SATB1: variants seen among roughly 807,000 people sequenced by gnomAD.
SATB1 encodes SATB homeobox 1, also known as DNA-binding protein SATB1.
In SATB1, 11 loss-of-function variants were observed where a neutral mutation model predicts 86.9. That is an observed-to-expected ratio of 0.13 (90% CI 0.08 to 0.21). The LOEUF (loss-of-function observed/expected upper bound fraction) is 0.21, where lower values mean the gene tolerates loss of function less well. Among genes scored for constraint, SATB1 ranks in the 10% least tolerant of loss-of-function variants. SATB1 has a pLI of 1.00. For missense variants in SATB1, 551 were observed against 937.6 expected, an observed-to-expected ratio of 0.59 and a Z score of 5.39; for synonymous variants, 357 against 357.2, an observed-to-expected ratio of 1.00 and a Z score of 0.01.
At chr3:18,422,880 G>A (rs575856679) in intron 1 of SATB1, among the ~76,000 whole-genome samples, 1 of 152,274 alleles carries the variant, frequency 6.6e-6, no homozygotes, top group African/African-American at 2.4e-5. Context: ...TACAGCAAAT[G>A]AAAGTGATAC....
chr3:18,365,524 T>C (rs1265151106), intron 9 of SATB1, among the ~76,000 whole-genome samples: 1 of 152,170 alleles, frequency 6.6e-6, no homozygotes, highest in Non-Finnish European at 1.5e-5. Context: ...GTCCCTGCTC[T>C]CTGATCACTG....
chr3:18,374,973 C>T (rs1695670665), intron 9 of SATB1, among the ~76,000 whole-genome samples: 1 of 152,112 alleles, frequency 6.6e-6, no homozygotes, highest in Non-Finnish European at 1.5e-5. Flanking sequence ...ATTATACCAC[C>T]AATGACACAA....
rs111398003 is a variant in SATB1, at chr3:18,378,059, C to T, written c.1575+111G>A. 4,825 of 895,466 alleles carry T rather than the reference C, an allele frequency of 5.4e-3. 100 individuals are homozygous for T. The highest frequency in any genetic ancestry group is 0.044 in the South Asian group (2,092 of 47,614). The allele number at this position is 895,466 out of a possible 1,614,324, so 55.5% of individuals were successfully genotyped here. Reference sequence around the variant, plus strand: ...TTAGAGCTCTGGAAATAATCCTAGACACAGAGGCCTCTCCGTGATGCAAGT... The same window carrying T: ...TTAGAGCTCTGGAAATAATCCTAGATACAGAGGCCTCTCCGTGATGCAAGT... On this transcript the variant is annotated intron_variant, in intron 9 of 10. Coordinates refer to ENST00000338745, the MANE Select transcript of SATB1 (RefSeq NM_002971.6).
At chr3:18,356,554 T>A (rs1694651879) in intron 9 of SATB1, among the ~76,000 whole-genome samples, 1 of 151,886 alleles carries the variant, frequency 6.6e-6, no homozygotes, top group Admixed American at 6.6e-5. Flanking sequence ...ATGCTCATTT[T>A]AAAGGAAAAA....
chr3:18,349,725 AGTT>A lies in SATB1; in HGVS notation c.1780-46_1780-44del. 1 of 1,545,980 alleles carries A rather than the reference AGTT, an allele frequency of 6.5e-7. No individual in the cohort carries two copies. The highest frequency in any genetic ancestry group is 8.7e-7 in the Non-Finnish European group (1 of 1,147,336). On this transcript the variant is annotated intron_variant, in intron 10 of 10. Coordinates refer to ENST00000338745, the MANE Select transcript of SATB1 (RefSeq NM_002971.6). This position sits in a 1 kb window ranked among gnomAD's most constrained non-coding sequence, Gnocchi z 5.5. ...GACAATCAGAGCTCTGCTATCGTGG[AGTT>A]CCACACAAAGCCGTCTCCAATCAGG... is the stretch of plus-strand genomic sequence containing the variant.
intron 2 of SATB1, chr3:18,417,809 C>T (rs1274173523): frequency 1.7e-6 from 1 of 585,732 alleles, no homozygotes; most frequent in Non-Finnish European, 3.0e-6. Flanking sequence ...ATCTTTGTTA[C>T]AGTAAATAAG....
rs984009857 is a variant in SATB1, at chr3:18,351,938, A to C, written c.1779+54T>G. The C allele has an allele frequency of 2.6e-6, 4 of 1,552,468 alleles. No individual in the cohort carries two copies. In the African/African-American group the frequency reaches 4.1e-5, roughly 16 times the overall value. On this transcript the variant is annotated intron_variant, in intron 10 of 10. Transcript: ENST00000338745. ...AAGAGAAACGCTAATTTCCCTGCTAAGTTTAAAGCTTTATTTACTTATTGC... is the reference window on the plus strand; with the variant it reads ...AAGAGAAACGCTAATTTCCCTGCTACGTTTAAAGCTTTATTTACTTATTGC...
At chr3:18,441,210 G>A (rs569789744), upstream of SATB1, among the ~76,000 whole-genome samples, 16 of 152,134 alleles carry the variant, frequency 1.1e-4, no homozygotes, top group South Asian at 2.9e-3. Context: ...CATGTAAAAC[G>A]TGTTTTTTCT....
intron 5 of SATB1, among the ~76,000 whole-genome samples, chr3:18,398,364 A>G (rs1206852366): frequency 1.3e-5 from 2 of 152,142 alleles, no homozygotes; most frequent in African/African-American, 4.8e-5. Context: ...TTGTAGCACC[A>G]ATCTATCCCT....
chr3:18,412,697 C>G (rs1227161904), intron 5 of SATB1, among the ~76,000 whole-genome samples: 4 of 151,960 alleles, frequency 2.6e-5, no homozygotes, highest in African/African-American at 9.7e-5. Context: ...TCTTCATCAC[C>G]AAATCTTAAC....
At chr3:18,408,388 T>A (rs1295147185) in intron 5 of SATB1, among the ~76,000 whole-genome samples, 1 of 151,978 alleles carries the variant, frequency 6.6e-6, no homozygotes, top group African/African-American at 2.4e-5. Context: ...CCAGGGTGCT[T>A]TACAATCATT....
chr3:18,353,182 C>T lies in SATB1; in HGVS notation c.1576-987G>A, dbSNP rs565489464. The T allele has an allele frequency of 4.4e-3, 675 of 152,504 alleles. 1 individual carries two copies. The highest frequency in any genetic ancestry group is 7.4e-3 in the Non-Finnish European group (505 of 68,192). 9.4% of individuals were successfully genotyped at this position (152,504 alleles called of 1,614,324 possible). ...AAAATGTCTTGAAACCAACTCTACA[C>T]TTCTTCATTGACCTCCTCACCCCGG... On this transcript the variant is annotated intron_variant, in intron 9 of 10. Transcript: ENST00000338745.
At chr3:18,370,581 A>C (rs963059005) in intron 9 of SATB1, among the ~76,000 whole-genome samples, 1 of 151,376 alleles carries the variant, frequency 6.6e-6, no homozygotes, top group Non-Finnish European at 1.5e-5. Context: ...GAAAAGAAAA[A>C]AAAAACCCTA....
chr3:18,417,385 G>A, intron 2 of SATB1: 2 of 557,208 alleles, frequency 3.6e-6, no homozygotes, highest in East Asian at 6.1e-5. Context: ...AAATAATAAT[G>A]GTGACGAAAG....
intron 9 of SATB1, among the ~76,000 whole-genome samples, chr3:18,366,891 C>T (rs549477665): frequency 9.9e-5 from 15 of 152,280 alleles, no homozygotes; most frequent in Admixed American, 9.8e-4. Context: ...CTAAGCCCTT[C>T]CATTATCCAA....
intron 9 of SATB1, among the ~76,000 whole-genome samples, chr3:18,359,663 CG>C (rs1575086765): frequency 6.6e-6 from 1 of 151,744 alleles, no homozygotes; most frequent in Non-Finnish European, 1.5e-5. Flanking sequence ...AAAATGTTCC[CG>C]TTTTTTTTCT....
chr3:18,436,917 T>C (rs1343799776), intron 1 of SATB1: 2 of 152,186 alleles, frequency 1.3e-5, no homozygotes, highest in Non-Finnish European at 2.9e-5. Context: ...TTAACCAATT[T>C]GATAGAATTG....
chr3:18,417,974 T>C (rs1479903880), intron 2 of SATB1, among the ~76,000 whole-genome samples: 1 of 152,186 alleles, frequency 6.6e-6, no homozygotes, highest in Non-Finnish European at 1.5e-5. Context: ...AGAAAGAGGC[T>C]TCTTCTAGAA....
chr3:18,361,064 G>A (rs372743507), intron 9 of SATB1, among the ~76,000 whole-genome samples: 2 of 151,900 alleles, frequency 1.3e-5, no homozygotes, highest in East Asian at 1.9e-4. Flanking sequence ...TGGGAAAACA[G>A]ACCAGTTGCT....
Sources: allele counts gnomAD v4.1 joint callset (sites outside exome capture counted in the v4.1 genomes callset), GRCh38; gene constraint gnomAD v4.1.1; non-coding constraint Gnocchi (gnomAD v3.1); transcripts MANE v1.5; gene names NCBI Gene and HGNC (gene_info 2026-07-23, HGNC 2026-07-21).